HECW2: variants seen among roughly 807,000 people sequenced by gnomAD.
HECW2 encodes the protein E3 ubiquitin-protein ligase HECW2.
HECW2 carries 61 observed loss-of-function variants against 175.2 expected under a neutral mutation model. The observed-to-expected ratio is 0.35, with a 90% CI of 0.28 to 0.43. The LOEUF is 0.43. HECW2 is among the 20% of genes least tolerant of loss of function. The probability of loss-of-function intolerance (pLI) is 1.00; values close to 1 mark genes in which losing one functional copy is unlikely to be tolerated. For missense variants in HECW2, 1,524 were observed against 2,000.5 expected, an observed-to-expected ratio of 0.76 and a Z score of 4.54; for synonymous variants, 671 against 731.0, an observed-to-expected ratio of 0.92 and a Z score of 1.32.
At chr2:196,495,320 CCT>C (rs1687352691) in intron 1 of HECW2, among the ~76,000 whole-genome samples, 1 of 152,140 alleles carries the variant, frequency 6.6e-6, no homozygotes, top group South Asian at 2.1e-4. Flanking sequence ...TCCACCTCGG[CCT>C]CCCAAAGTGC....
chr2:196,320,313 T>C, intron 8 of HECW2, 26 bp downstream of exon 8: 2 of 1,353,584 alleles, frequency 1.5e-6, no homozygotes, highest in Non-Finnish European at 2.1e-6. Flanking sequence ...TAGCAATGTA[T>C]TCATACAGAT....
intron 3 of HECW2, among the ~76,000 whole-genome samples, chr2:196,342,918 A>T (rs184446564): frequency 3.9e-5 from 6 of 151,900 alleles, no homozygotes; most frequent in African/African-American, 1.2e-4. Flanking sequence ...AAGGGTATAT[A>T]AAAATGTGTA....
At chr2:196,250,410 T>G (rs1027732938) in intron 19 of HECW2, among the ~76,000 whole-genome samples, 21 of 152,244 alleles carry the variant, frequency 1.4e-4, no homozygotes, top group African/African-American at 4.6e-4. Flanking sequence ...CACATTAACC[T>G]TTATTGGCTA....
chr2:196,331,368 C>T, intron 4 of HECW2: 1 of 731,310 alleles, frequency 1.4e-6, no homozygotes, highest in Non-Finnish European at 1.7e-6. Flanking sequence ...CTGCTTTCAC[C>T]ACACACTACG....
chr2:196,554,982 G>A (rs1426298735), intron 1 of HECW2, among the ~76,000 whole-genome samples: 1 of 152,140 alleles, frequency 6.6e-6, no homozygotes, highest in Non-Finnish European at 1.5e-5. Context: ...TCCAGACTGT[G>A]CACAACACTC....
At chr2:196,432,061 C>T (rs955900487) in intron 2 of HECW2, among the ~76,000 whole-genome samples, 2 of 152,184 alleles carry the variant, frequency 1.3e-5, no homozygotes, top group African/African-American at 2.4e-5. Context: ...TGGAGGGAGG[C>T]TGTCCTTTAC....
At position 196,329,618 on chromosome 2, in the gene HECW2, T is replaced by C. The variant is rs1692282903; in HGVS notation, c.528A>G (p.Ser176=). The C allele has an allele frequency of 1.9e-6, 3 of 1,613,714 alleles. No homozygotes were observed. In the East Asian group the frequency reaches 6.7e-5, roughly 36 times the overall value. Residue 176 remains serine (S), a synonymous_variant, in exon 5 of 29, where the codon TCA becomes TCG. Transcript: ENST00000644978. ...MGAEGMEGGA[S]GNLHSRKLVS... ...CAAGTTTTCGAGAATGCAGGTTTCC[T>C]GAAGCACCTCCCTCCATGCCTTCTG...
chr2:196,386,373 G>T (rs1694351840), intron 2 of HECW2, among the ~76,000 whole-genome samples: 1 of 152,176 alleles, frequency 6.6e-6, no homozygotes, highest in South Asian at 2.1e-4. Context: ...ATTGAGTGAG[G>T]TCTTGGATTT....
intron 1 of HECW2, among the ~76,000 whole-genome samples, chr2:196,526,260 T>C (rs1172979693): frequency 1.7e-5 from 2 of 118,676 alleles, no homozygotes; most frequent in South Asian, 3.4e-4. Context: ...TTTCTTCCAG[T>C]TGATCGCATC....
At chr2:196,592,478 G>C (rs946417747) in intron 1 of HECW2, 1 of 152,214 alleles carries the variant, frequency 6.6e-6, no homozygotes, top group African/African-American at 2.4e-5. Flanking sequence ...GCAGTCTCGC[G>C]TCCTCGGAAA....
At chr2:196,345,353 T>G (rs1692914166) in intron 2 of HECW2, among the ~76,000 whole-genome samples, 1 of 152,198 alleles carries the variant, frequency 6.6e-6, no homozygotes, top group African/African-American at 2.4e-5. Context: ...AAGGCAACAA[T>G]GTGCCCTGTT....
chr2:196,392,816 T>TA (rs1338219068), intron 2 of HECW2, among the ~76,000 whole-genome samples: 1 of 152,156 alleles, frequency 6.6e-6, no homozygotes, highest in Admixed American at 6.6e-5. Flanking sequence ...TTAAAGTTCA[T>TA]ATGGAACCAA....
At chr2:196,444,841 G>A (rs1334268456) in intron 1 of HECW2, among the ~76,000 whole-genome samples, 1 of 152,170 alleles carries the variant, frequency 6.6e-6, no homozygotes, top group Non-Finnish European at 1.5e-5. Flanking sequence ...GTGGCTCTGG[G>A]GGTCAGGGAG....
At chr2:196,338,999 C>T (rs1012945672) in intron 3 of HECW2, among the ~76,000 whole-genome samples, 3 of 152,138 alleles carry the variant, frequency 2.0e-5, no homozygotes, top group Non-Finnish European at 2.9e-5. Flanking sequence ...CTGAAATGGC[C>T]AGGCTTTCCT....
rs116503434 is a variant in HECW2 at position 196,571,564 on chromosome 2, C to A, written c.-36+21944G>T. Among the ~76,000 whole-genome samples the A allele has an allele frequency of 5.0e-3, 756 of 152,144 alleles. 6 individuals carry two copies. Among genetic ancestry groups the A allele is most frequent in the Middle Eastern group, 0.014 (4 of 294 alleles). ...AGTCTACTAAAAATACAAAAATTAG[C>A]CGGGTGTGCTGACAGTTACCTGTAA... On this transcript the variant is annotated intron_variant, in intron 1 of 28. Transcript: ENST00000644978.
intron 15 of HECW2, 32 bp from the exon 16 acceptor site, chr2:196,274,155 C>T (rs1279007856): frequency 2.6e-6 from 4 of 1,537,124 alleles, no homozygotes; most frequent in Non-Finnish European, 3.6e-6. Flanking sequence ...ATGTTCTGCA[C>T]CAAGAGCCAG....
intron 1 of HECW2, chr2:196,586,436 T>C (rs1690977017): frequency 1.3e-5 from 2 of 152,228 alleles, no homozygotes; most frequent in South Asian, 4.1e-4. Context: ...CTTTCCACTA[T>C]GCAGCTAGCA....
intron 1 of HECW2, among the ~76,000 whole-genome samples, chr2:196,589,487 G>A (rs1451668796): frequency 1.3e-5 from 2 of 152,128 alleles, no homozygotes; most frequent in African/African-American, 4.8e-5. Flanking sequence ...ATTTTCATGT[G>A]GTGAACAGAC....
chr2:196,588,810 C>A (rs934647219), intron 1 of HECW2, among the ~76,000 whole-genome samples: 15 of 152,168 alleles, frequency 9.9e-5, no homozygotes, highest in Non-Finnish European at 1.5e-5. Flanking sequence ...TCAGTTTATA[C>A]TTGTTGATCT....
Sources: allele counts gnomAD v4.1 joint callset (sites outside exome capture counted in the v4.1 genomes callset), GRCh38; gene constraint gnomAD v4.1.1; transcripts MANE v1.5; gene names NCBI Gene and HGNC (gene_info 2026-07-23, HGNC 2026-07-21).